Variants in ADAM22 observed in about 807,000 individuals in gnomAD.
ADAM22 encodes ADAM metallopeptidase domain 22, also known as disintegrin and metalloproteinase domain-containing protein 22.
ADAM22 carries 65 observed loss-of-function variants against 144.6 expected under a neutral mutation model. The ratio of observed to expected loss-of-function variants is 0.45; its 90% CI spans 0.37 to 0.55. The LOEUF (loss-of-function observed/expected upper bound fraction) is 0.55, where lower values mean the gene tolerates loss of function less well. Among genes scored for constraint, ADAM22 ranks in the 20% least tolerant of loss-of-function variants. The pLI, the probability that ADAM22 is intolerant of heterozygous loss-of-function variation, is 0.00. For synonymous variants in ADAM22, 391 were observed against 412.6 expected (o/e 0.95, Z 0.63); for missense variants, 974 against 1,184.9 (o/e 0.82, Z 2.61).
intron 3 of ADAM22, among the ~76,000 whole-genome samples, chr7:88,052,065 G>A (rs1455884748): frequency 6.6e-6 from 1 of 152,118 alleles, no homozygotes; most frequent in Non-Finnish European, 1.5e-5. Flanking sequence ...CAACTTTGAT[G>A]TGTTTGTTTC....
intron 2 of ADAM22, among the ~76,000 whole-genome samples, chr7:87,947,609 G>A (rs1584500737): frequency 6.6e-6 from 1 of 152,006 alleles, no homozygotes; most frequent in South Asian, 2.1e-4. Flanking sequence ...TTAGCATGAT[G>A]TTCTTATAGT....
At chr7:87,965,005 A>G (rs1205496665) in intron 2 of ADAM22, among the ~76,000 whole-genome samples, 4 of 152,336 alleles carry the variant, frequency 2.6e-5, no homozygotes, top group African/African-American at 9.6e-5. Context: ...TTTCTCTTAC[A>G]GACACACACC....
chr7:87,981,903 T>C (rs572241099), intron 3 of ADAM22, among the ~76,000 whole-genome samples: 1 of 152,124 alleles, frequency 6.6e-6, no homozygotes, highest in South Asian at 2.1e-4. Flanking sequence ...CTCACTGTTA[T>C]TAATAAATCT....
chr7:88,114,691 G>A, intron 6 of ADAM22, 44 bp downstream of exon 6: 3 of 1,579,672 alleles, frequency 1.9e-6, no homozygotes, highest in Non-Finnish European at 2.6e-6. Flanking sequence ...AAATGTTTAT[G>A]CTGAGAGCTT....
At chr7:87,945,368 G>T (rs776509608) in intron 2 of ADAM22, among the ~76,000 whole-genome samples, 1 of 152,130 alleles carries the variant, frequency 6.6e-6, no homozygotes, top group East Asian at 1.9e-4. Flanking sequence ...ATTAGCTGCA[G>T]CTTACAAATA....
intron 3 of ADAM22, among the ~76,000 whole-genome samples, chr7:87,995,984 A>G (rs1791115532): frequency 6.6e-6 from 1 of 152,214 alleles, no homozygotes; most frequent in African/African-American, 2.4e-5. Context: ...ATTCCTGCTG[A>G]GCCCTCTGTA....
At chr7:88,144,340 G>A (rs550068515) in intron 15 of ADAM22, among the ~76,000 whole-genome samples, 7 of 152,136 alleles carry the variant, frequency 4.6e-5, no homozygotes, top group African/African-American at 9.6e-5. Context: ...TGTCACCATA[G>A]GATACATTAT....
chr7:88,027,729 T>A, intron 3 of ADAM22, among the ~76,000 whole-genome samples: 1 of 152,196 alleles, frequency 6.6e-6, no homozygotes. Context: ...TTTCTTGTAC[T>A]AACTTTGGAT....
At chr7:87,974,089 A>G (rs921993201) in intron 2 of ADAM22, among the ~76,000 whole-genome samples, 1 of 151,120 alleles carries the variant, frequency 6.6e-6, no homozygotes, top group African/African-American at 2.4e-5. Flanking sequence ...AAGTATAATA[A>G]TAATAAAATT....
At chr7:88,191,991 G>C (rs1385878835) in intron 30 of ADAM22, among the ~76,000 whole-genome samples, 2 of 152,088 alleles carry the variant, frequency 1.3e-5, no homozygotes, top group South Asian at 4.1e-4. Flanking sequence ...GATATTATAC[G>C]CATGCAAACC....
intron 3 of ADAM22, among the ~76,000 whole-genome samples, chr7:87,991,788 C>T (rs1205046922): frequency 1.3e-5 from 2 of 152,146 alleles, no homozygotes; most frequent in South Asian, 2.1e-4. Context: ...TATAAGATCT[C>T]AGAAATAGCT....
rs1838192509 is a variant in ADAM22, at chr7:88,151,005, G to A, written c.1591G>A (p.Asp531Asn). The part of the protein sequence containing the change: ...SQCAPNIHKM[D>N]GYSCDGVQGI... ...GTGTGCCCCTAATATTCATAAAATG[G>A]ATGGATATTCATGTGATGGTGTTCA... The change falls in exon 19 of 32, where the codon GAT becomes AAT. Residue 531 changes from aspartate (D) to asparagine (N), a missense_variant. Physicochemically the swap from Asp to Asn is conservative, Grantham distance 23. Around this residue, in one of 2 missense-constraint regions of ADAM22, gnomAD observed 734 missense variants for 950.6 expected, o/e 0.77. Transcript: ENST00000413139. The A allele has an allele frequency of 6.2e-7, 1 of 1,613,594 alleles. No homozygotes were observed. Among genetic ancestry groups the A allele is most frequent in the Non-Finnish European group, 8.5e-7 (1 of 1,179,754 alleles).
intron 3 of ADAM22, among the ~76,000 whole-genome samples, chr7:88,046,440 T>G (rs1804715997): frequency 6.6e-6 from 1 of 152,228 alleles, no homozygotes; most frequent in Non-Finnish European, 1.5e-5. Context: ...GTTATTGAGT[T>G]TTTTGAGTTC....
intron 13 of ADAM22, among the ~76,000 whole-genome samples, chr7:88,134,956 A>C (rs1211316136): frequency 1.3e-5 from 2 of 152,090 alleles, no homozygotes; most frequent in Non-Finnish European, 2.9e-5. Context: ...TACCTTAAAA[A>C]TTTGATTATT....
chr7:88,154,125 GAC>G (rs1839229956), intron 21 of ADAM22, among the ~76,000 whole-genome samples: 2 of 152,182 alleles, frequency 1.3e-5, no homozygotes, highest in African/African-American at 4.8e-5. Context: ...AGGAAACTGA[GAC>G]ACAGTTAATT....
At position 88,196,641 on chromosome 7, in the gene ADAM22, A is replaced by G; in HGVS notation, c.*150A>G. The stretch of plus-strand genomic sequence containing the variant: ...CAGAGGAGAGGAAGCGGAGTTTCAC[A>G]TCTGGTTACCATTTTCTTTTTGTCA... On this transcript the variant is annotated 3_prime_UTR_variant, in exon 32 of 32. Transcript: ENST00000413139. 1.3e-6 allele frequency: 1 copy of G among 785,926 alleles called. No individual in the cohort carries two copies. The highest frequency in any genetic ancestry group is 2.6e-5 in the East Asian group (1 of 38,182). 48.7% of individuals were successfully genotyped at this position (785,926 alleles called of 1,614,324 possible). A position where few individuals can be genotyped will look rare whatever the true frequency, so the allele number is the denominator to read the frequency against.
chr7:87,974,873 C>T (rs1637495), intron 2 of ADAM22, among the ~76,000 whole-genome samples: 67,263 of 151,914 alleles, frequency 0.44, 15,891 homozygotes, highest in Non-Finnish European at 0.51. Context: ...TCCTTGGTTC[C>T]TGCCCTCTTC....
chr7:88,158,536 A>C (rs892857364), intron 22 of ADAM22, among the ~76,000 whole-genome samples: 1 of 152,170 alleles, frequency 6.6e-6, no homozygotes, highest in African/African-American at 2.4e-5. Flanking sequence ...TAGCTAGAGC[A>C]CTAAAATCAT....
intron 2 of ADAM22, among the ~76,000 whole-genome samples, chr7:87,962,576 A>G (rs1004995114): frequency 1.1e-4 from 16 of 152,178 alleles, no homozygotes; most frequent in African/African-American, 3.4e-4. Context: ...ATCATGTGGC[A>G]GAATAATATG....
Sources: allele counts gnomAD v4.1 joint callset (sites outside exome capture counted in the v4.1 genomes callset), GRCh38; gene constraint gnomAD v4.1.1; regional missense constraint gnomAD v4.1.1; transcripts MANE v1.5; gene names NCBI Gene and HGNC (gene_info 2026-07-23, HGNC 2026-07-21).